TENM3: variants seen among roughly 807,000 people sequenced by gnomAD.
The protein encoded by TENM3 is teneurin-3.
Under a neutral mutation model 255.1 loss-of-function variants are expected in TENM3, and 63 were observed. The observed-to-expected ratio is 0.25, with a 90% CI of 0.20 to 0.30. The LOEUF is 0.30. Among genes scored for constraint, TENM3 ranks in the 10% least tolerant of loss-of-function variants. The probability of loss-of-function intolerance (pLI) is 1.00; values close to 1 mark genes in which losing one functional copy is unlikely to be tolerated. For missense variants in TENM3, 2,929 were observed against 3,461.1 expected (o/e 0.85, Z 3.86); for synonymous variants, 1,306 against 1,322.3 (o/e 0.99, Z 0.27).
the TENM3 span, among the ~76,000 whole-genome samples, chr4:181,919,512 T>C: frequency 6.6e-6 from 1 of 151,868 alleles, no homozygotes; most frequent in Non-Finnish European, 1.5e-5. Context: ...TACCTGAGAG[T>C]AATCTTGAAA....
At chr4:181,810,686 T>C in the TENM3 span, among the ~76,000 whole-genome samples, 1 of 152,096 alleles carries the variant, frequency 6.6e-6, no homozygotes, top group Non-Finnish European at 1.5e-5. Flanking sequence ...AAAGAAGTGA[T>C]GTAAACACGG....
chr4:182,512,265 TTCTCCATGGTCTC>T (rs1013042824), intron 3 of TENM3, among the ~76,000 whole-genome samples: 1 of 152,202 alleles, frequency 6.6e-6, no homozygotes, highest in African/African-American at 2.4e-5. Context: ...AAAATGGGCC[TTCTCCATGGTCTC>T]TTTTTATTTG....
the TENM3 span, among the ~76,000 whole-genome samples, chr4:181,793,865 G>T: frequency 6.6e-6 from 1 of 152,144 alleles, no homozygotes; most frequent in South Asian, 2.1e-4. Context: ...GTATTTTTCA[G>T]TGTTTTCAGT....
chr4:182,716,929 G>A lies in TENM3; in HGVS notation c.2368+2696G>A, dbSNP rs1198279545. Among the ~76,000 whole-genome samples, 4 of 152,298 alleles carry A rather than the reference G, an allele frequency of 2.6e-5. No homozygotes were observed. The East Asian group carries it at 7.7e-4, about 29-fold the overall frequency. Reference sequence around the variant, plus strand: ...AAGGAACTCAGGAGGAGGAGAGGGTGAAGAGCCCAATGTGGCCCTAGTCAG... The same window carrying A: ...AAGGAACTCAGGAGGAGGAGAGGGTAAAGAGCCCAATGTGGCCCTAGTCAG... On this transcript the variant is annotated intron_variant, in intron 13 of 27. Coordinates refer to ENST00000511685, the MANE Select transcript of TENM3 (RefSeq NM_001080477.4).
rs191846315 is a variant in TENM3 at position 182,677,980 on chromosome 4, T to C, written c.1327-1686T>C. On this transcript the variant is annotated intron_variant, in intron 7 of 27. Coordinates refer to ENST00000511685, the MANE Select transcript of TENM3 (RefSeq NM_001080477.4). ...TAAATAGGCCTCTGATGAAATTCCA[T>C]TTAAGAAACCTATCAGAAAGTAGAA... Among the ~76,000 whole-genome samples, 265 of 152,146 alleles carry C rather than the reference T, an allele frequency of 1.7e-3. 1 individual carries two copies. Among genetic ancestry groups the C allele is most frequent in the African/African-American group, 6.1e-3 (254 of 41,550 alleles).
At chr4:182,346,448 T>C (rs960603545) in intron 2 of TENM3, among the ~76,000 whole-genome samples, 3 of 152,116 alleles carry the variant, frequency 2.0e-5, no homozygotes, top group Admixed American at 6.5e-5. Context: ...GAGCTCTAAG[T>C]TGGGGCCCCG....
the TENM3 span, among the ~76,000 whole-genome samples, chr4:181,705,306 ATAT>A: frequency 6.6e-6 from 1 of 152,248 alleles, no homozygotes; most frequent in African/African-American, 2.4e-5. Context: ...ACACATTCAA[ATAT>A]TATATACAAG....
the TENM3 span, among the ~76,000 whole-genome samples, chr4:181,726,998 G>A: frequency 6.6e-6 from 1 of 152,210 alleles, no homozygotes; most frequent in Non-Finnish European, 1.5e-5. Context: ...GCATACAGAA[G>A]GGAGAGGTAT....
intron 3 of TENM3, among the ~76,000 whole-genome samples, chr4:182,564,883 C>T (rs1488242685): frequency 6.6e-6 from 1 of 152,178 alleles, no homozygotes; most frequent in African/African-American, 2.4e-5. Context: ...TTTATTCCCC[C>T]TCTTAGCTTT....
At chr4:181,640,534 G>A in the TENM3 span, among the ~76,000 whole-genome samples, 1 of 152,096 alleles carries the variant, frequency 6.6e-6, no homozygotes, top group South Asian at 2.1e-4. Flanking sequence ...CTCAAATGAT[G>A]TAAAATTTCC....
the TENM3 span, among the ~76,000 whole-genome samples, chr4:181,878,977 G>A: frequency 6.6e-6 from 1 of 152,110 alleles, no homozygotes; most frequent in African/African-American, 2.4e-5. Context: ...TAGTGGAAGG[G>A]TAGAGTTCTA....
At position 182,528,244 on chromosome 4, in the gene TENM3, AG is replaced by A. The variant is rs1290268117; in HGVS notation, c.512-72679del. ...GCAACTCTCCTGCCTCACCCTCCCG[AG>A]TAGCTGAGATTATAGACATGCACCA... On this transcript the variant is annotated intron_variant, in intron 3 of 27. Transcript: ENST00000511685. 2.6e-5 allele frequency among the ~76,000 whole-genome samples: 4 copies of A among 152,172 alleles called. 1 individual carries two copies. Among genetic ancestry groups the A allele is most frequent in the Non-Finnish European group, 5.9e-5 (4 of 68,016 alleles).
At chr4:182,048,303 G>A in the TENM3 span, among the ~76,000 whole-genome samples, 25 of 152,224 alleles carry the variant, frequency 1.6e-4, no homozygotes, top group Admixed American at 9.2e-4. Flanking sequence ...GTATAGGTGT[G>A]TATCAAAGTA....
chr4:181,632,221 A>T, the TENM3 span, among the ~76,000 whole-genome samples: 1 of 152,130 alleles, frequency 6.6e-6, no homozygotes, highest in Non-Finnish European at 1.5e-5. Flanking sequence ...GGCAGGAGAG[A>T]GAGAGTGGAG....
the TENM3 span, among the ~76,000 whole-genome samples, chr4:181,854,396 CAT>C: frequency 2.0e-5 from 3 of 152,200 alleles, no homozygotes; most frequent in Admixed American, 6.5e-5. Flanking sequence ...ACCACACACT[CAT>C]AGGCAAGCTC....
intron 3 of TENM3, among the ~76,000 whole-genome samples, chr4:182,410,203 C>T (rs187138943): frequency 4.1e-4 from 63 of 152,346 alleles, no homozygotes; most frequent in Non-Finnish European, 7.6e-4. Flanking sequence ...ATACAGAACA[C>T]TAGAAGCTAT....
chr4:182,105,766 A>G, the TENM3 span, among the ~76,000 whole-genome samples: 5 of 152,312 alleles, frequency 3.3e-5, no homozygotes, highest in African/African-American at 1.2e-4. Flanking sequence ...TTGATTGTCC[A>G]CATGATTGAT....
chr4:182,786,473 G>A (rs1302667247), intron 24 of TENM3, among the ~76,000 whole-genome samples: 7 of 151,270 alleles, frequency 4.6e-5, no homozygotes, highest in Admixed American at 4.6e-4. Flanking sequence ...CAGGAGAATT[G>A]CTTGAACCTG....
chr4:182,198,824 C>T (rs902482386), intron 1 of TENM3, among the ~76,000 whole-genome samples: 4 of 152,066 alleles, frequency 2.6e-5, no homozygotes, highest in African/African-American at 7.2e-5. Context: ...AGGTGTAAAA[C>T]CATGGTCTGA....
Sources: gnomAD v4.1 joint callset for allele counts (sites outside exome capture counted in the v4.1 genomes callset) on GRCh38, gnomAD v4.1.1 for gene constraint, MANE v1.5 for transcripts, NCBI Gene and HGNC (gene_info 2026-07-23, HGNC 2026-07-21) for gene names.